Variants in BBX observed in about 807,000 individuals in gnomAD.
BBX encodes the protein HMG box transcription factor BBX.
BBX carries 30 observed loss-of-function variants against 100.2 expected under a neutral mutation model. That is an observed-to-expected ratio of 0.30 (90% CI 0.22 to 0.41). The LOEUF is 0.41. BBX is among the 10% of genes least tolerant of loss of function. The pLI is 1.00. For synonymous variants in BBX, 376 were observed against 388.1 expected, an observed-to-expected ratio of 0.97 and a Z score of 0.37; for missense variants, 1,023 against 1,129.8, an observed-to-expected ratio of 0.91 and a Z score of 1.35.
intron 2 of BBX, among the ~76,000 whole-genome samples, chr3:107,601,961 CCATTGCT>C (rs1347872292): frequency 1.3e-5 from 2 of 152,192 alleles, no homozygotes; most frequent in African/African-American, 4.8e-5. Flanking sequence ...TAAGATAAAG[CCATTGCT>C]CATTTACCAT....
intron 2 of BBX, among the ~76,000 whole-genome samples, chr3:107,574,395 T>C (rs1190298833): frequency 6.6e-6 from 1 of 152,324 alleles, no homozygotes; most frequent in Middle Eastern, 3.4e-3. Context: ...TTAGCGACTT[T>C]AGGTTGATCT....
At chr3:107,727,336 G>T (rs958498361) in intron 5 of BBX, among the ~76,000 whole-genome samples, 1 of 152,038 alleles carries the variant, frequency 6.6e-6, no homozygotes, top group South Asian at 2.1e-4. Context: ...CTATTTGTCT[G>T]CCTCAGCTTA....
chr3:107,690,892 CTTTTTTTTT>C (rs66523709), intron 3 of BBX, among the ~76,000 whole-genome samples: 1 of 41,190 alleles, frequency 2.4e-5, no homozygotes, highest in African/African-American at 1.1e-4. Flanking sequence ...GCCCCCCCCC[CTTTTTTTTT>C]TTTTTTTTTT....
At chr3:107,682,298 A>G (rs1383206149) in intron 3 of BBX, among the ~76,000 whole-genome samples, 3 of 152,104 alleles carry the variant, frequency 2.0e-5, no homozygotes, top group Non-Finnish European at 4.4e-5. Context: ...TGTCTCTGAC[A>G]TTTTCCCCAA....
intron 2 of BBX, among the ~76,000 whole-genome samples, chr3:107,576,834 C>T (rs1166534929): frequency 1.3e-5 from 2 of 151,964 alleles, no homozygotes; most frequent in African/African-American, 4.8e-5. Context: ...TCTTTATAAG[C>T]ATTAAATTGC....
intron 2 of BBX, among the ~76,000 whole-genome samples, chr3:107,628,575 G>A (rs917900139): frequency 6.6e-6 from 1 of 151,766 alleles, no homozygotes; most frequent in Non-Finnish European, 1.5e-5. Context: ...GATTCATTGA[G>A]ATTATTATTT....
intron 2 of BBX, among the ~76,000 whole-genome samples, chr3:107,542,977 T>C (rs1377335740): frequency 1.3e-5 from 2 of 152,222 alleles, no homozygotes; most frequent in African/African-American, 2.4e-5. Context: ...CCTGTTGTCA[T>C]ACACACAGTT....
rs2071183323 is a variant in BBX, at chr3:107,808,926, CT to C, written c.*3471del. On this transcript the variant is annotated 3_prime_UTR_variant, in exon 18 of 18. Transcript: ENST00000325805. ...TTCCCACGTTATCATTGTGATTCTACTTCCTGCCACTAAAATTGCTGGAGAA... is the reference window on the plus strand; with the variant it reads ...TTCCCACGTTATCATTGTGATTCTACTCCTGCCACTAAAATTGCTGGAGAA... 1 of 152,210 alleles carries C rather than the reference CT, an allele frequency of 6.6e-6. No homozygotes were observed. Among genetic ancestry groups the C allele is most frequent in the East Asian group, 1.9e-4 (1 of 5,206 alleles). 9.4% of individuals were successfully genotyped at this position (152,210 alleles called of 1,614,324 possible).
intron 2 of BBX, among the ~76,000 whole-genome samples, chr3:107,576,364 A>G (rs2051770366): frequency 6.6e-6 from 1 of 152,230 alleles, no homozygotes; most frequent in Non-Finnish European, 1.5e-5. Context: ...CTTTTTCAAA[A>G]CACTACTTAT....
At chr3:107,600,180 C>T (rs1279259447) in intron 2 of BBX, among the ~76,000 whole-genome samples, 1 of 152,058 alleles carries the variant, frequency 6.6e-6, no homozygotes, top group Non-Finnish European at 1.5e-5. Context: ...TGTATATTTT[C>T]AAAGGAAATT....
intron 2 of BBX, among the ~76,000 whole-genome samples, chr3:107,561,986 T>C (rs1011842418): frequency 6.6e-6 from 1 of 152,346 alleles, no homozygotes; most frequent in Admixed American, 6.5e-5. Flanking sequence ...TGGGGATACA[T>C]TGAGTTGTAC....
intron 10 of BBX, among the ~76,000 whole-genome samples, chr3:107,757,243 A>T (rs750200014): frequency 6.6e-6 from 1 of 151,792 alleles, no homozygotes; most frequent in Admixed American, 6.6e-5. Context: ...ACTTTGCTGC[A>T]TGGGGGGGCT....
chr3:107,561,415 A>G (rs1167967598), intron 2 of BBX, among the ~76,000 whole-genome samples: 1 of 152,218 alleles, frequency 6.6e-6, no homozygotes, highest in Non-Finnish European at 1.5e-5. Flanking sequence ...AAACATCTGC[A>G]TAAGGACTTA....
rs201416014 is a variant in BBX at position 107,710,518 on chromosome 3, C to T, written c.58C>T (p.Arg20Ter). 2.7e-5 allele frequency: 43 copies of T among 1,613,130 alleles called. No homozygotes were observed. Among genetic ancestry groups the T allele is most frequent in the Non-Finnish European group, 3.5e-5 (41 of 1,179,672 alleles). The change falls in exon 4 of 18, where the codon CGA becomes TGA. Residue 20 changes from arginine (R) to a stop codon, truncating the protein, a stop_gained. Transcript: ENST00000325805. LOFTEE classifies it high-confidence loss of function. ...AGCAGAAGGAGAAGGGGTTGGAAAA[C>T]GACCAAAACGAAAGTGTCTTCAGTG... ...HSAEGEGVGK[R>*]PKRKCLQWHP... is the part of the protein sequence containing the mutation.
intron 2 of BBX, among the ~76,000 whole-genome samples, chr3:107,602,138 C>T (rs962457125): frequency 2.0e-5 from 3 of 152,118 alleles, no homozygotes; most frequent in Admixed American, 6.6e-5. Flanking sequence ...AAAAATGTTT[C>T]CTTTCAAAAT....
chr3:107,614,735 T>C (rs977932342), intron 2 of BBX, among the ~76,000 whole-genome samples: 2 of 152,242 alleles, frequency 1.3e-5, no homozygotes, highest in Middle Eastern at 3.2e-3. Flanking sequence ...CTTTTATTTT[T>C]AATATATTCA....
At chr3:107,713,618 G>T (rs138891637) in intron 4 of BBX, among the ~76,000 whole-genome samples, 1 of 152,018 alleles carries the variant, frequency 6.6e-6, no homozygotes, top group Admixed American at 6.6e-5. Flanking sequence ...AACATTTTTC[G>T]ATGTTCATAG....
chr3:107,773,185 T>C lies in BBX; in HGVS notation c.1464T>C (p.Tyr488=), dbSNP rs1160934692. ...SSESDIESVI[Y]TIEAVAKGDW... Reference sequence around the variant, plus strand: ...AATCTGACATTGAGAGCGTCATATATACCATTGAAGCCGTCGCAAAAGGAG... The same window carrying C: ...AATCTGACATTGAGAGCGTCATATACACCATTGAAGCCGTCGCAAAAGGAG... The change falls in exon 11 of 18, where the codon TAT becomes TAC. Residue 488 remains tyrosine (Y), a synonymous_variant. Coordinates refer to ENST00000325805, the MANE Select transcript of BBX (RefSeq NM_001142568.3). The surrounding 1 kb of genome is among the most constrained non-coding windows in gnomAD (Gnocchi z 4.1). 1 of 1,613,932 alleles carries C rather than the reference T, an allele frequency of 6.2e-7. No homozygotes were observed. Among genetic ancestry groups the C allele is most frequent in the East Asian group, 2.2e-5 (1 of 44,884 alleles).
chr3:107,571,736 C>A (rs1208039268), intron 2 of BBX, among the ~76,000 whole-genome samples: 2 of 152,218 alleles, frequency 1.3e-5, no homozygotes, highest in Non-Finnish European at 2.9e-5. Flanking sequence ...TGTGAAGAGA[C>A]CACCAAACAG....
Sources: gnomAD v4.1 joint callset for allele counts (sites outside exome capture counted in the v4.1 genomes callset) on GRCh38, gnomAD v4.1.1 for gene constraint, Gnocchi (gnomAD v3.1) non-coding constraint, MANE v1.5 for transcripts, NCBI Gene and HGNC (gene_info 2026-07-23, HGNC 2026-07-21) for gene names.